Variants in STPG1 observed in about 807,000 individuals in gnomAD.
STPG1 encodes the protein O(6)-methylguanine-induced apoptosis 2.
In STPG1, 33 loss-of-function variants were observed where a neutral mutation model predicts 40.1. The observed-to-expected ratio is 0.82, with a 90% confidence interval of 0.62 to 1.10. STPG1 has a LOEUF of 1.10. Ranked by LOEUF, STPG1 falls within the 50% of genes least tolerant of loss-of-function variation. The pLI is 0.00. For synonymous variants in STPG1, 150 were observed against 155.0 expected, an observed-to-expected ratio of 0.97 and a Z score of 0.24; for missense variants, 396 against 415.1, an observed-to-expected ratio of 0.95 and a Z score of 0.40.
intron 5 of STPG1, chr1:24,379,342 C>T (rs537721377): frequency 3.5e-4 from 95 of 273,478 alleles, no homozygotes; most frequent in African/African-American, 2.0e-3. Context: ...AAATAATACA[C>T]CCATTGTTAC....
At chr1:24,374,840 G>T (rs77255885) in intron 5 of STPG1, among the ~76,000 whole-genome samples, 33,406 of 150,828 alleles carry the variant, frequency 0.22, 4,070 homozygotes, top group East Asian at 0.46. Context: ...TGCCTAGGCT[G>T]GTCTTGAACT....
chr1:24,387,139 G>A (rs765830588), intron 3 of STPG1, among the ~76,000 whole-genome samples: 1 of 152,192 alleles, frequency 6.6e-6, no homozygotes, highest in Non-Finnish European at 1.5e-5. Flanking sequence ...TGCCCTGCGT[G>A]GGATGGGGGC....
chr1:24,401,273 T>G, intron 2 of STPG1, 46 bp downstream of exon 2: 1 of 1,582,546 alleles, frequency 6.3e-7, no homozygotes, highest in Admixed American at 1.7e-5. Context: ...TGTACTAAAA[T>G]AAGCATATGT....
At chr1:24,401,296 C>T (rs1243227990) in intron 2 of STPG1, 23 bp downstream of exon 2, 30 of 1,611,378 alleles carry the variant, frequency 1.9e-5, no homozygotes, top group Non-Finnish European at 2.3e-5. Context: ...GGAGCTATCT[C>T]CTCCCTGCAA....
rs1468316442 is a variant in STPG1, at chr1:24,407,064, C to T, written c.-68-5608G>A. ...ACAATATGGTGTTTCCTCAGTATTT[C>T]CCCATTCCTTTTTCCCTGCAATCCC... On this transcript the variant is annotated intron_variant, in intron 1 of 8. Coordinates refer to ENST00000337248, the MANE Select transcript of STPG1 (RefSeq NM_001199013.2). Among the ~76,000 whole-genome samples, 3 of 152,096 alleles carry T rather than the reference C, an allele frequency of 2.0e-5. No homozygotes were observed. The East Asian group carries it at 5.8e-4, about 29-fold the overall frequency.
At position 24,413,490 on chromosome 1, in the gene STPG1, G is replaced by A. The variant is rs112024753; in HGVS notation, c.-69+184C>T. 4.4e-3 allele frequency among the ~76,000 whole-genome samples: 666 copies of A among 152,368 alleles called. 6 individuals are homozygous for A. The highest frequency in any genetic ancestry group is 0.013 in the African/African-American group (547 of 41,592). On this transcript the variant is annotated intron_variant, in intron 1 of 8. Coordinates refer to ENST00000337248, the MANE Select transcript of STPG1 (RefSeq NM_001199013.2). ...GGAAACACCGAGGACACGCCCCGAC[G>A]CAGGGGCAACTCCCATGGTGGCTTC...
At chr1:24,397,194 C>G (rs577577562) in intron 2 of STPG1, among the ~76,000 whole-genome samples, 2 of 152,210 alleles carry the variant, frequency 1.3e-5, no homozygotes, top group Admixed American at 6.5e-5. Context: ...GAAGCAGAAA[C>G]TGATAAAACT....
At chr1:24,382,477 C>T (rs530462652) in intron 4 of STPG1, among the ~76,000 whole-genome samples, 10 of 152,292 alleles carry the variant, frequency 6.6e-5, no homozygotes, top group Non-Finnish European at 1.0e-4. Context: ...AGAAGGGTGA[C>T]GTGCTTGAGG....
intron 8 of STPG1, among the ~76,000 whole-genome samples, chr1:24,358,967 G>C (rs1311379319): frequency 6.6e-6 from 1 of 152,204 alleles, no homozygotes; most frequent in Non-Finnish European, 1.5e-5. Context: ...ATCTAGTTCA[G>C]GGGTTTCCAT....
rs1643728331 is a variant in STPG1, at chr1:24,412,396, C to T, written c.-69+1278G>A. ...GGGATGACTTCCCTGACCACCCTCT[C>T]TTAAGAAGCACCAACCCATCTCTCT... On this transcript the variant is annotated intron_variant, in intron 1 of 8. Transcript: ENST00000337248. Among the ~76,000 whole-genome samples the T allele has an allele frequency of 5.3e-5, 8 of 152,196 alleles. No individual in the cohort carries two copies. In the South Asian group the frequency reaches 1.7e-3, roughly 32 times the overall value.
At position 24,364,201 on chromosome 1, in the gene STPG1, C is replaced by T. The variant is rs994944673; in HGVS notation, c.738-3160G>A. The T allele has an allele frequency of 3.3e-6, 5 of 1,518,006 alleles. No individual in the cohort carries two copies. In the African/African-American group the frequency reaches 5.6e-5, roughly 17 times the overall value. 94.0% of individuals were successfully genotyped at this position (1,518,006 alleles called of 1,614,324 possible). Reference sequence around the variant, plus strand: ...TTCTTCCAGGGAAACTTCTCTCCTCCACCCACGCCTGTCTCGCCACCCCCC... The same window carrying T: ...TTCTTCCAGGGAAACTTCTCTCCTCTACCCACGCCTGTCTCGCCACCCCCC... On this transcript the variant is annotated intron_variant, in intron 7 of 8. Transcript: ENST00000337248.
At chr1:24,397,706 CAT>C (rs1643063892) in intron 2 of STPG1, among the ~76,000 whole-genome samples, 1 of 150,832 alleles carries the variant, frequency 6.6e-6, no homozygotes, top group South Asian at 2.1e-4. Context: ...ATACCTGTAA[CAT>C]GTACTCTTTT....
intron 3 of STPG1, among the ~76,000 whole-genome samples, chr1:24,387,327 C>T (rs1251354652): frequency 6.6e-6 from 1 of 152,116 alleles, no homozygotes; most frequent in Non-Finnish European, 1.5e-5. Context: ...GGGAAATGCG[C>T]AGATTTGAGT....
chr1:24,402,068 T>C (rs1643248688), intron 1 of STPG1, among the ~76,000 whole-genome samples: 1 of 152,156 alleles, frequency 6.6e-6, no homozygotes, highest in African/African-American at 2.4e-5. Context: ...CAATTCCAAG[T>C]TTTGGCAAAT....
Position 24,413,772 on chromosome 1 carries a change from G to C in STPG1, c.-167C>G, listed in dbSNP as rs1040571638. On this transcript the variant is annotated 5_prime_UTR_variant, in exon 1 of 9. Transcript: ENST00000337248. Reference sequence around the variant, plus strand: ...CGCGAGTCCACCTTCCGCCGTCCGCGAGGTAACTCCAGCCAATGGCATCCT... The same window carrying C: ...CGCGAGTCCACCTTCCGCCGTCCGCCAGGTAACTCCAGCCAATGGCATCCT... 1 of 152,294 alleles carries C rather than the reference G, an allele frequency of 6.6e-6. No homozygotes were observed. The highest frequency in any genetic ancestry group is 1.5e-5 in the Non-Finnish European group (1 of 68,088). 9.4% of individuals were successfully genotyped at this position (152,294 alleles called of 1,614,324 possible). A position where few individuals can be genotyped will look rare whatever the true frequency, so the allele number is the denominator to read the frequency against.
At chr1:24,384,516 A>C (rs1056640401) in intron 3 of STPG1, among the ~76,000 whole-genome samples, 1 of 152,184 alleles carries the variant, frequency 6.6e-6, no homozygotes, top group African/African-American at 2.4e-5. Flanking sequence ...AAACCAGGCC[A>C]TTTCTAACTC....
chr1:24,374,935 T>G (rs182766435), intron 5 of STPG1, among the ~76,000 whole-genome samples: 1 of 152,292 alleles, frequency 6.6e-6, no homozygotes, highest in Non-Finnish European at 1.5e-5. Context: ...TTTCTACTAT[T>G]TTTACTGTTT....
chr1:24,395,287 A>G (rs537683001), intron 2 of STPG1, among the ~76,000 whole-genome samples: 34 of 152,250 alleles, frequency 2.2e-4, no homozygotes, highest in African/African-American at 7.7e-4. Flanking sequence ...AATGGGAGCT[A>G]CAAGAAATGT....
intron 1 of STPG1, among the ~76,000 whole-genome samples, chr1:24,407,533 C>A (rs945881645): frequency 6.6e-6 from 1 of 151,928 alleles, no homozygotes; most frequent in African/African-American, 2.4e-5. Flanking sequence ...CCTCTGCCCC[C>A]AGCTTCAAGC....
Sources: gnomAD v4.1 joint callset for allele counts (sites outside exome capture counted in the v4.1 genomes callset) on GRCh38, gnomAD v4.1.1 for gene constraint, MANE v1.5 for transcripts, NCBI Gene and HGNC (gene_info 2026-07-23, HGNC 2026-07-21) for gene names.